Variants in QTMAN observed in about 807,000 individuals in gnomAD.
The protein encoded by QTMAN is queuosine-tRNA mannosyltransferase, also known as tRNA-queuosine alpha-mannosyltransferase.
chr2:144,264,603 C>T, the QTMAN span, among the ~76,000 whole-genome samples: 4 of 152,214 alleles, frequency 2.6e-5, no homozygotes, highest in East Asian at 1.9e-4. Context: ...AAGGAGAATG[C>T]ACCCATCCAG....
the QTMAN span, among the ~76,000 whole-genome samples, chr2:144,241,773 T>G: frequency 6.6e-6 from 1 of 152,032 alleles, no homozygotes; most frequent in Non-Finnish European, 1.5e-5. Flanking sequence ...AGTGTGTAAG[T>G]GTGTACAGTA....
the QTMAN span, among the ~76,000 whole-genome samples, chr2:144,026,865 G>A: frequency 6.6e-6 from 1 of 152,170 alleles, no homozygotes; most frequent in Admixed American, 6.5e-5. Flanking sequence ...CAAGTGATGG[G>A]TAGTAAAAAT....
At chr2:144,332,886 T>C in the QTMAN span, among the ~76,000 whole-genome samples, 3 of 152,196 alleles carry the variant, frequency 2.0e-5, no homozygotes, top group African/African-American at 7.2e-5. Context: ...ACCTTCTCTT[T>C]CCTTCTGGAA....
chr2:144,059,292 C>G, the QTMAN span, among the ~76,000 whole-genome samples: 2 of 152,190 alleles, frequency 1.3e-5, no homozygotes, highest in African/African-American at 4.8e-5. Flanking sequence ...CCTACACATC[C>G]TTTAAGCCTC....
chr2:144,239,798 T>A, the QTMAN span, among the ~76,000 whole-genome samples: 1 of 152,240 alleles, frequency 6.6e-6, no homozygotes, highest in Non-Finnish European at 1.5e-5. Flanking sequence ...CTACTCTTCA[T>A]CTTCTGGGAC....
chr2:144,273,775 C>T, the QTMAN span, among the ~76,000 whole-genome samples: 19 of 152,086 alleles, frequency 1.2e-4, no homozygotes, highest in Non-Finnish European at 2.4e-4. Context: ...AGGGTCACAA[C>T]CCTCTCCAAA....
At chr2:144,281,973 A>G in the QTMAN span, among the ~76,000 whole-genome samples, 1 of 152,158 alleles carries the variant, frequency 6.6e-6, no homozygotes, top group African/African-American at 2.4e-5. Flanking sequence ...AACACAACTT[A>G]AACATTCAAA....
chr2:144,262,150 T>C, the QTMAN span, among the ~76,000 whole-genome samples: 2 of 152,088 alleles, frequency 1.3e-5, no homozygotes, highest in African/African-American at 4.8e-5. Flanking sequence ...CCATGAACTA[T>C]GGTTAGAAAA....
At chr2:144,053,514 G>A in the QTMAN span, among the ~76,000 whole-genome samples, 3 of 152,104 alleles carry the variant, frequency 2.0e-5, no homozygotes, top group Non-Finnish European at 2.9e-5. Flanking sequence ...TTTGTTGAAC[G>A]CTTAGAAACT....
At chr2:144,290,777 T>C in the QTMAN span, among the ~76,000 whole-genome samples, 1 of 152,192 alleles carries the variant, frequency 6.6e-6, no homozygotes, top group Admixed American at 6.5e-5. Context: ...TTTCCTCATT[T>C]TATCTGCTTC....
the QTMAN span, among the ~76,000 whole-genome samples, chr2:143,961,339 C>T: frequency 2.6e-5 from 4 of 152,102 alleles, no homozygotes; most frequent in African/African-American, 9.7e-5. Flanking sequence ...TTGACCATAC[C>T]ACACTCCAAA....
chr2:143,998,996 CCAAA>C, the QTMAN span, among the ~76,000 whole-genome samples: 4,480 of 152,058 alleles, frequency 0.029, 209 homozygotes, highest in African/African-American at 0.1. Context: ...AGGTCAATTA[CCAAA>C]CAGTCACCCT....
At chr2:144,107,647 G>C in the QTMAN span, among the ~76,000 whole-genome samples, 1 of 152,172 alleles carries the variant, frequency 6.6e-6, no homozygotes, top group Admixed American at 6.5e-5. Flanking sequence ...AGGACCAGAT[G>C]GATTCACAGC....
the QTMAN span, among the ~76,000 whole-genome samples, chr2:144,136,840 T>C: frequency 6.6e-6 from 1 of 152,158 alleles, no homozygotes; most frequent in Non-Finnish European, 1.5e-5. Context: ...GTAGTAATTC[T>C]CATCTCACCA....
the QTMAN span, among the ~76,000 whole-genome samples, chr2:144,299,765 T>C: frequency 1.6e-4 from 25 of 152,334 alleles, no homozygotes; most frequent in African/African-American, 5.8e-4. Flanking sequence ...ATTCCACTTC[T>C]GGGTATACAT....
chr2:144,204,897 A>C, the QTMAN span, among the ~76,000 whole-genome samples: 2 of 151,178 alleles, frequency 1.3e-5, no homozygotes, highest in Admixed American at 6.6e-5. Context: ...GCAAGGACAA[A>C]AAATCAAACA....
the QTMAN span, among the ~76,000 whole-genome samples, chr2:144,098,965 T>G: frequency 6.6e-6 from 1 of 152,084 alleles, no homozygotes; most frequent in African/African-American, 2.4e-5. Context: ...CTAATAATAT[T>G]TACTGAAAAT....
chr2:144,169,989 T>C, the QTMAN span, among the ~76,000 whole-genome samples: 2 of 152,160 alleles, frequency 1.3e-5, no homozygotes, highest in Admixed American at 6.6e-5. Context: ...TTCCTATACA[T>C]GCAAACATAT....
the QTMAN span, among the ~76,000 whole-genome samples, chr2:144,214,905 AC>A: frequency 1.9e-3 from 291 of 152,282 alleles, no homozygotes; most frequent in African/African-American, 6.2e-3. Context: ...TCCCTAAAAA[AC>A]ATTTCTTTTT....
Sources: gnomAD v4.1 joint callset for allele counts (sites outside exome capture counted in the v4.1 genomes callset) on GRCh38, gnomAD v4.1.1 for gene constraint, MANE v1.5 for transcripts, NCBI Gene and HGNC (gene_info 2026-07-23, HGNC 2026-07-21) for gene names.